Variants in BLOC1S5 observed in about 807,000 individuals in gnomAD.
BLOC1S5 encodes the protein biogenesis of lysosomal organelles complex 1 subunit 5.
In BLOC1S5, 27 loss-of-function variants were observed where a neutral mutation model predicts 24.3. That is an observed-to-expected ratio of 1.11 (90% CI 0.82 to 1.53). The LOEUF (loss-of-function observed/expected upper bound fraction) is 1.53, where lower values mean the gene tolerates loss of function less well. BLOC1S5 is among the 40% of genes most tolerant of loss of function. BLOC1S5 has a pLI of 0.00. For missense variants in BLOC1S5, 239 were observed against 229.4 expected, an observed-to-expected ratio of 1.04 and a Z score of -0.27; for synonymous variants, 84 against 74.5, an observed-to-expected ratio of 1.13 and a Z score of -0.66.
intron 2 of BLOC1S5, among the ~76,000 whole-genome samples, chr6:8,057,394 A>G (rs1016864743): frequency 6.6e-6 from 1 of 152,228 alleles, no homozygotes; most frequent in Non-Finnish European, 1.5e-5. Context: ...CACACAAGGA[A>G]GAATATACTA....
chr6:8,041,312 C>CATTTTTTT, intron 2 of BLOC1S5, 44 bp from the exon 3 acceptor site: 4 of 1,079,760 alleles, frequency 3.7e-6, no homozygotes, highest in Non-Finnish European at 4.8e-6. Context: ...GTGTCTTTTC[C>CATTTTTTT]TTTTTTTTTT....
chr6:8,028,375 A>ATTGTTTTT, intron 3 of BLOC1S5, among the ~76,000 whole-genome samples: 1 of 152,024 alleles, frequency 6.6e-6, no homozygotes, highest in Non-Finnish European at 1.5e-5. Context: ...AAAAAAAAAA[A>ATTGTTTTT]AACAGGAGTT....
At chr6:8,029,131 C>T (rs2244052) in intron 3 of BLOC1S5, among the ~76,000 whole-genome samples, 39,478 of 151,604 alleles carry the variant, frequency 0.26, 6,690 homozygotes, top group East Asian at 0.73. Context: ...CAAATACACA[C>T]GTAAGAAAAT....
chr6:8,052,036 G>C (rs987697722), intron 2 of BLOC1S5, among the ~76,000 whole-genome samples: 1 of 140,100 alleles, frequency 7.1e-6, no homozygotes. Context: ...GTGCGATCTC[G>C]GCTCACTGCA....
At chr6:8,041,655 C>CTTTCTTTTATTTT (rs111955375) in intron 2 of BLOC1S5, among the ~76,000 whole-genome samples, 1 of 111,870 alleles carries the variant, frequency 8.9e-6, no homozygotes, top group Non-Finnish European at 1.8e-5. Flanking sequence ...TTCTTTCTTT[C>CTTTCTTTTATTTT]TTTTTTTTTG....
At chr6:8,045,035 C>T (rs1327179387) in intron 2 of BLOC1S5, among the ~76,000 whole-genome samples, 1 of 152,230 alleles carries the variant, frequency 6.6e-6, no homozygotes, top group Non-Finnish European at 1.5e-5. Flanking sequence ...GTCTCCAGAG[C>T]ATGTCAGAGG....
In BLOC1S5 at chr6:8,026,350, T is replaced by C; in HGVS notation, c.384+17A>G. 6.3e-7 allele frequency: 1 copy of C among 1,578,270 alleles called. No homozygotes were observed. The highest frequency in any genetic ancestry group is 8.7e-7 in the Non-Finnish European group (1 of 1,148,288). On this transcript the variant is annotated intron_variant, in intron 4 of 4. Transcript: ENST00000397457. ...GATGCAAGAATTATATGCCTCATTA[T>C]CTAAATGATCTTTTACCTTTTTTCG... is the stretch of plus-strand genomic sequence containing the variant.
intron 2 of BLOC1S5, among the ~76,000 whole-genome samples, chr6:8,043,707 T>C (rs1763772427): frequency 6.6e-6 from 1 of 152,214 alleles, no homozygotes. Flanking sequence ...TGTTGGTTTC[T>C]TAGCTTTTAC....
chr6:8,026,697 T>C (rs959631898), intron 3 of BLOC1S5, among the ~76,000 whole-genome samples: 2 of 152,194 alleles, frequency 1.3e-5, no homozygotes, highest in African/African-American at 4.8e-5. Flanking sequence ...AATGACAGAT[T>C]GTCTACAGCT....
chr6:8,044,733 G>A (rs1273334790), intron 2 of BLOC1S5, among the ~76,000 whole-genome samples: 2 of 152,150 alleles, frequency 1.3e-5, no homozygotes, highest in Admixed American at 6.5e-5. Flanking sequence ...AGAGACTGGT[G>A]GCATTTTTTC....
chr6:8,027,326 T>G, intron 3 of BLOC1S5: 1 of 456,452 alleles, frequency 2.2e-6, no homozygotes, highest in South Asian at 1.6e-5. Context: ...TTGACAAATG[T>G]TTACTGAGCA....
chr6:8,020,155 C>T (rs949404724), intron 4 of BLOC1S5, among the ~76,000 whole-genome samples: 4 of 152,114 alleles, frequency 2.6e-5, no homozygotes, highest in Admixed American at 6.6e-5. Context: ...TATAGAATAT[C>T]TTTTTAAAGA....
intron 2 of BLOC1S5, among the ~76,000 whole-genome samples, chr6:8,048,288 C>T (rs977772641): frequency 1.3e-5 from 2 of 152,190 alleles, no homozygotes; most frequent in African/African-American, 4.8e-5. Flanking sequence ...CTCTCCATCT[C>T]CTGCTCTGGA....
chr6:8,034,113 G>C (rs971486593), intron 3 of BLOC1S5, among the ~76,000 whole-genome samples: 1 of 152,160 alleles, frequency 6.6e-6, no homozygotes, highest in African/African-American at 2.4e-5. Context: ...ATTTGACCCA[G>C]CAATCCCATT....
At chr6:8,051,871 C>G (rs1156988675) in intron 2 of BLOC1S5, among the ~76,000 whole-genome samples, 4 of 151,732 alleles carry the variant, frequency 2.6e-5, no homozygotes, top group Admixed American at 6.6e-5. Flanking sequence ...AGACTCCTCT[C>G]AAAATATCAC....
chr6:8,035,419 A>G (rs1763454785), intron 3 of BLOC1S5, among the ~76,000 whole-genome samples: 1 of 151,914 alleles, frequency 6.6e-6, no homozygotes, highest in Non-Finnish European at 1.5e-5. Context: ...CCTACGAGAA[A>G]GGCACTTCAC....
intron 2 of BLOC1S5, among the ~76,000 whole-genome samples, chr6:8,056,575 T>C (rs916409969): frequency 6.6e-6 from 1 of 152,218 alleles, no homozygotes. Context: ...TTTCAATGCT[T>C]ATGGCACAGA....
At chr6:8,039,358 A>G (rs1763604964) in intron 3 of BLOC1S5, among the ~76,000 whole-genome samples, 1 of 152,212 alleles carries the variant, frequency 6.6e-6, no homozygotes, top group South Asian at 2.1e-4. Context: ...TGGAAGAAAT[A>G]AGACCTAGTA....
At chr6:8,058,558 C>T (rs576257135) in intron 2 of BLOC1S5, among the ~76,000 whole-genome samples, 11 of 152,142 alleles carry the variant, frequency 7.2e-5, no homozygotes, top group East Asian at 1.9e-4. Flanking sequence ...ATTCAGAGGA[C>T]GGGTTACTGT....
Sources: allele counts gnomAD v4.1 joint callset (sites outside exome capture counted in the v4.1 genomes callset), GRCh38; gene constraint gnomAD v4.1.1; transcripts MANE v1.5; gene names NCBI Gene and HGNC (gene_info 2026-07-23, HGNC 2026-07-21).